WSCD2: variants seen among roughly 807,000 people sequenced by gnomAD.
The protein encoded by WSCD2 is sialate:O-sulfotransferase 2.
In WSCD2, 28 loss-of-function variants were observed where a neutral mutation model predicts 55.7. The observed-to-expected ratio is 0.50, with a 90% confidence interval of 0.37 to 0.69. The LOEUF is 0.69. WSCD2 is among the 30% of genes least tolerant of loss of function. The pLI, the probability that WSCD2 is intolerant of heterozygous loss-of-function variation, is 0.00. For missense variants in WSCD2, 616 were observed against 762.1 expected, an observed-to-expected ratio of 0.81 and a Z score of 2.26; for synonymous variants, 301 against 301.9, an observed-to-expected ratio of 1.00 and a Z score of 0.03.
chr12:108,139,310 G>A (rs1876539249), intron 1 of WSCD2, among the ~76,000 whole-genome samples: 2 of 152,208 alleles, frequency 1.3e-5, no homozygotes, highest in African/African-American at 4.8e-5. Context: ...TGAATGACTT[G>A]TAGTAATTCT....
intron 1 of WSCD2, among the ~76,000 whole-genome samples, chr12:108,175,859 A>G (rs1354085014): frequency 1.3e-5 from 2 of 151,904 alleles, no homozygotes; most frequent in African/African-American, 4.8e-5. Flanking sequence ...TTTTTTTTTG[A>G]GACAGAGTCT....
Position 108,210,428 on chromosome 12 carries a change from C to A in WSCD2, c.682+123C>A. The stretch of plus-strand genomic sequence containing the variant: ...CTCCCCATCACTCCAAGGCCACCAC[C>A]GTCCTGCCCCTGCCTCACCTCTCCC... On this transcript the variant is annotated intron_variant, in intron 4 of 8. Coordinates refer to ENST00000547525, the MANE Select transcript of WSCD2 (RefSeq NM_014653.4). This position sits in a 1 kb window ranked among gnomAD's most constrained non-coding sequence, Gnocchi z 4.3. 1.5e-6 allele frequency: 2 copies of A among 1,299,782 alleles called. No homozygotes were observed. Among genetic ancestry groups the A allele is most frequent in the Non-Finnish European group, 2.1e-6 (2 of 966,616 alleles). The allele number at this position is 1,299,782 out of a possible 1,614,324, so 80.5% of individuals were successfully genotyped here. A position where few individuals can be genotyped will look rare whatever the true frequency, so the allele number is the denominator to read the frequency against.
intron 1 of WSCD2, among the ~76,000 whole-genome samples, chr12:108,190,169 G>A (rs1446835896): frequency 1.3e-5 from 2 of 152,164 alleles, no homozygotes; most frequent in Admixed American, 1.3e-4. Flanking sequence ...GGCACAATGG[G>A]AATAAGATGA....
At chr12:108,212,590 T>TTC (rs111941873) in intron 4 of WSCD2, among the ~76,000 whole-genome samples, 5,168 of 118,278 alleles carry the variant, frequency 0.044, 112 homozygotes, top group Middle Eastern at 0.059. Context: ...CCACCCCCAT[T>TTC]TCTCTCTCTC....
intron 1 of WSCD2, among the ~76,000 whole-genome samples, chr12:108,188,297 C>A (rs974973530): frequency 3.3e-5 from 5 of 151,956 alleles, no homozygotes; most frequent in South Asian, 2.1e-4. Flanking sequence ...ACGGGTGTGC[C>A]TAGGAACCTG....
chr12:108,145,514 G>A (rs1877295069), intron 1 of WSCD2, among the ~76,000 whole-genome samples: 1 of 152,202 alleles, frequency 6.6e-6, no homozygotes, highest in African/African-American at 2.4e-5. Flanking sequence ...AGTTCAAAGA[G>A]GCCTTAGGAC....
intron 7 of WSCD2, among the ~76,000 whole-genome samples, chr12:108,238,597 T>A (rs1201741374): frequency 6.6e-6 from 1 of 152,228 alleles, no homozygotes; most frequent in Non-Finnish European, 1.5e-5. Context: ...GAAGTGTTAC[T>A]GTGGGCTTCA....
chr12:108,158,735 C>G (rs1001958331), intron 1 of WSCD2, among the ~76,000 whole-genome samples: 1 of 152,138 alleles, frequency 6.6e-6, no homozygotes, highest in African/African-American at 2.4e-5. Context: ...TACCAACATC[C>G]TACCGACTGC....
Position 108,250,268 on chromosome 12 carries a change from A to G in WSCD2, c.*1925A>G, listed in dbSNP as rs1027361973. 1 of 152,216 alleles carries G rather than the reference A, an allele frequency of 6.6e-6. No homozygotes were observed. Among genetic ancestry groups the G allele is most frequent in the African/African-American group, 2.4e-5 (1 of 41,372 alleles). 9.4% of individuals were successfully genotyped at this position (152,216 alleles called of 1,614,324 possible). A position where few individuals can be genotyped will look rare whatever the true frequency, so the allele number is the denominator to read the frequency against. On this transcript the variant is annotated 3_prime_UTR_variant, in exon 9 of 9. Transcript: ENST00000547525. The stretch of plus-strand genomic sequence containing the variant: ...GAGGCATAGAGAGACAGAGAGAGAG[A>G]CAAGAAACAGAGATAGACAGAAAAT...
At chr12:108,133,919 A>G (rs1350580138) in intron 1 of WSCD2, among the ~76,000 whole-genome samples, 1 of 152,242 alleles carries the variant, frequency 6.6e-6, no homozygotes, top group Non-Finnish European at 1.5e-5. Context: ...CAGTGTTTCT[A>G]ATTAGGAGCA....
At chr12:108,186,601 C>T (rs1288924858) in intron 1 of WSCD2, among the ~76,000 whole-genome samples, 1 of 152,200 alleles carries the variant, frequency 6.6e-6, no homozygotes, top group Non-Finnish European at 1.5e-5. Context: ...TGGAATCGTA[C>T]AGTGTGTAGC....
At chr12:108,246,102 C>T (rs1890061497) in intron 8 of WSCD2, among the ~76,000 whole-genome samples, 1 of 152,242 alleles carries the variant, frequency 6.6e-6, no homozygotes, top group African/African-American at 2.4e-5. Flanking sequence ...AAGATCCATC[C>T]TGGAACCAGG....
At position 108,248,245 on chromosome 12, in the gene WSCD2, G is replaced by A; in HGVS notation, c.1600G>A (p.Asp534Asn). 1.4e-5 allele frequency: 23 copies of A among 1,614,222 alleles called. No individual in the cohort carries two copies. The highest frequency in any genetic ancestry group is 1.9e-5 in the Non-Finnish European group (22 of 1,180,052). The change falls in exon 9 of 9, where the codon GAC becomes AAC. Residue 534 changes from aspartate (D) to asparagine (N), a missense_variant. Asp to Asn is a conservative substitution (Grantham distance 23, BLOSUM62 1). This residue lies in a region of WSCD2 where 234 missense variants were observed against 264.6 expected (regional missense o/e 0.88). Coordinates refer to ENST00000547525, the MANE Select transcript of WSCD2 (RefSeq NM_014653.4). This position sits in a 1 kb window ranked among gnomAD's most constrained non-coding sequence, Gnocchi z 4.3. ...RKLEYDPYTA[D>N]MQKTISAYIK... ...GCTCGAGTATGACCCCTATACTGCG[G>A]ACATGCAGAAGACCATCTCTGCCTA...
chr12:108,131,385 G>A (rs1347590099), intron 1 of WSCD2, among the ~76,000 whole-genome samples: 1 of 152,134 alleles, frequency 6.6e-6, no homozygotes, highest in African/African-American at 2.4e-5. Flanking sequence ...ATCCCAGGAG[G>A]GGATCTTAAT....
chr12:108,146,961 T>G (rs1248425239), intron 1 of WSCD2, among the ~76,000 whole-genome samples: 2 of 152,212 alleles, frequency 1.3e-5, no homozygotes, highest in Non-Finnish European at 2.9e-5. Context: ...ATACATCTCT[T>G]GCCATTTATT....
intron 2 of WSCD2, among the ~76,000 whole-genome samples, chr12:108,197,689 AC>A (rs986153388): frequency 6.6e-6 from 1 of 151,430 alleles, no homozygotes; most frequent in Non-Finnish European, 1.5e-5. Context: ...GAAGTGCTAC[AC>A]CCCAGCCACT....
intron 1 of WSCD2, among the ~76,000 whole-genome samples, chr12:108,175,007 C>G (rs555721865): frequency 6.6e-6 from 1 of 152,334 alleles, no homozygotes; most frequent in Admixed American, 6.5e-5. Flanking sequence ...ACTCGCCCCT[C>G]TCTTCAGAGT....
Position 108,223,447 on chromosome 12 carries a change from C to G in WSCD2, c.683-1292C>G, listed in dbSNP as rs1214180328. On this transcript the variant is annotated intron_variant, in intron 4 of 8. Transcript: ENST00000547525. ...GGCTAAAATAACCTTTAACACCATT[C>G]TTTTCAATGGAATTCCACTTTCAGT... is the stretch of plus-strand genomic sequence containing the variant. Among the ~76,000 whole-genome samples, 3 of 152,302 alleles carry G rather than the reference C, an allele frequency of 2.0e-5. No homozygotes were observed. The East Asian group carries it at 5.8e-4, about 29-fold the overall frequency.
chr12:108,229,925 A>C (rs1888558462), intron 6 of WSCD2, among the ~76,000 whole-genome samples: 1 of 151,958 alleles, frequency 6.6e-6, no homozygotes, highest in Admixed American at 6.6e-5. Context: ...CAGTGAACAC[A>C]TATATACTCA....
Sources: allele counts gnomAD v4.1 joint callset (sites outside exome capture counted in the v4.1 genomes callset), GRCh38; gene constraint gnomAD v4.1.1; regional missense constraint gnomAD v4.1.1; non-coding constraint Gnocchi (gnomAD v3.1); transcripts MANE v1.5; gene names NCBI Gene and HGNC (gene_info 2026-07-23, HGNC 2026-07-21).